DEF8: variants seen among roughly 807,000 people sequenced by gnomAD.
DEF8 encodes the protein DEF-8.
DEF8 carries 38 observed loss-of-function variants against 59.1 expected under a neutral mutation model. The observed-to-expected ratio is 0.64, with a 90% CI of 0.50 to 0.84. The LOEUF (loss-of-function observed/expected upper bound fraction) is 0.84, where lower values mean the gene tolerates loss of function less well. DEF8 is among the 40% of genes least tolerant of loss of function. The pLI is 0.00. For synonymous variants in DEF8, 265 were observed against 250.1 expected (o/e 1.06, Z -0.56); for missense variants, 557 against 615.2 (o/e 0.91, Z 1.00).
rs201988487 is a variant in DEF8 at position 89,955,303 on chromosome 16, G to A, written c.222+37G>A. 3 of 1,578,096 alleles carry A rather than the reference G, an allele frequency of 1.9e-6. No individual in the cohort carries two copies. In the East Asian group the frequency reaches 6.7e-5, roughly 35 times the overall value. ...GATCTCGGAGGGGAGAGGGACTGAG[G>A]GAACCCCCAAGGCAGGAAGGGCCAG... On this transcript the variant is annotated intron_variant, in intron 4 of 12. Transcript: ENST00000563594.
At chr16:89,950,369 C>G (rs1209251769) in intron 2 of DEF8, 4 of 980,530 alleles carry the variant, frequency 4.1e-6, no homozygotes, top group Non-Finnish European at 4.8e-6. Flanking sequence ...CAATGGAGAA[C>G]CAGAGTCTAA....
At chr16:89,950,078 G>C in intron 2 of DEF8, 1 of 993,518 alleles carries the variant, frequency 1.0e-6, no homozygotes, top group Non-Finnish European at 1.2e-6. Flanking sequence ...CCGGAGGAGA[G>C]CTGGTAGCCT....
chr16:89,957,154 C>G (rs1465191144), intron 4 of DEF8: 3 of 170,376 alleles, frequency 1.8e-5, no homozygotes, highest in Non-Finnish European at 3.8e-5. Flanking sequence ...AGCAAATGTC[C>G]TTTCCCTAGC....
In DEF8 at chr16:89,954,231, C is replaced by A. The variant is rs1216610585; in HGVS notation, c.-10-12C>A. 5.0e-6 allele frequency: 8 copies of A among 1,610,048 alleles called. No homozygotes were observed. In the African/African-American group the frequency reaches 6.7e-5, roughly 13 times the overall value. On this transcript the variant is annotated splice_polypyrimidine_tract_variant and intron_variant, in intron 2 of 12. Coordinates refer to ENST00000563594, the MANE Select transcript of DEF8 (RefSeq NM_001242818.2). This position sits in a 1 kb window ranked among gnomAD's most constrained non-coding sequence, Gnocchi z 4.3. ...TACCTGGGGACTCATCCTGGCCCTG[C>A]CTGGCCCTCAGGTGGGATGCTATGG...
chr16:89,952,709 G>T (rs1471095103), intron 2 of DEF8: 7 of 152,260 alleles, frequency 4.6e-5, no homozygotes, highest in Non-Finnish European at 2.9e-5. Flanking sequence ...GTGGGACTGG[G>T]GCCCACTCAC....
intron 5 of DEF8, 79 bp downstream of exon 5, chr16:89,957,739 T>G: frequency 1.4e-6 from 2 of 1,433,258 alleles, no homozygotes; most frequent in Non-Finnish European, 1.9e-6. Flanking sequence ...CCTGCCAGCC[T>G]CTGGCTCTCT....
At chr16:89,962,178 C>T (rs1014744033) in intron 9 of DEF8, 53 bp downstream of exon 9, 35 of 1,514,762 alleles carry the variant, frequency 2.3e-5, no homozygotes, top group Middle Eastern at 3.4e-4. Flanking sequence ...CAGGTGGGCC[C>T]TAGGGCCGGG....
rs1306597562 is a variant in DEF8, at chr16:89,966,143, G to A, written c.*180G>A. On this transcript the variant is annotated 3_prime_UTR_variant, in exon 13 of 13. Transcript: ENST00000563594. ...GTCTCCCAGGTGCTTGCTGGGACTC[G>A]GGGCGGCTGCACCTGGCTGTCACCT... is the stretch of plus-strand genomic sequence containing the variant. 1.6e-5 allele frequency: 9 copies of A among 550,358 alleles called. No individual in the cohort carries two copies. The highest frequency in any genetic ancestry group is 1.6e-4 in the Admixed American group (5 of 31,586). The allele number at this position is 550,358 out of a possible 1,614,324, so 34.1% of individuals were successfully genotyped here.
At position 89,960,918 on chromosome 16, in the gene DEF8, C is replaced by T; in HGVS notation, c.515-13C>T. On this transcript the variant is annotated splice_polypyrimidine_tract_variant and intron_variant, in intron 6 of 12. Coordinates refer to ENST00000563594, the MANE Select transcript of DEF8 (RefSeq NM_001242818.2). The stretch of plus-strand genomic sequence containing the variant: ...CTTCCCGCTTTTGAGAAGTGTGTGT[C>T]CCTCCACCCTAGGGTGTTATTACCG... 6.2e-7 allele frequency: 1 copy of T among 1,609,258 alleles called. No homozygotes were observed. Among genetic ancestry groups the T allele is most frequent in the East Asian group, 2.2e-5 (1 of 44,752 alleles).
At chr16:89,960,088 C>T (rs2033824155) in intron 6 of DEF8, among the ~76,000 whole-genome samples, 1 of 152,176 alleles carries the variant, frequency 6.6e-6, no homozygotes, top group Non-Finnish European at 1.5e-5. Context: ...GAGCAGAGAG[C>T]CAGGTGGGGC....
In DEF8 at chr16:89,965,951, T is replaced by A; in HGVS notation, c.1344T>A (p.Asp448Glu). The change falls in exon 13 of 13, where the codon GAT (aspartate) becomes GAA (glutamate). Residue 448 changes from aspartate to glutamate, a missense_variant. Transcript: ENST00000563594. ...KQSLFQEPGPDVEA is the reference protein window; with the variant it reads ...KQSLFQEPGPEVEA ...CGCTCTTCCAGGAGCCAGGTCCCGA[T>A]GTGGAGGCCTAGCGCCGAGGAACAG... 6.2e-7 allele frequency: 1 copy of A among 1,612,774 alleles called. No individual in the cohort carries two copies.
chr16:89,965,897 G>T lies in DEF8; in HGVS notation c.1290G>T (p.Lys430Asn). The T allele has an allele frequency of 6.2e-7, 1 of 1,613,752 alleles. No homozygotes were observed. Among genetic ancestry groups the T allele is most frequent in the South Asian group, 1.1e-5 (1 of 91,070 alleles). The change falls in exon 13 of 13, where the codon AAG (lysine) becomes AAT (asparagine). Residue 430 changes from lysine (K) to asparagine (N), a missense_variant. By Grantham distance (94) the Lys-to-Asn change is moderately conservative. Coordinates refer to ENST00000563594, the MANE Select transcript of DEF8 (RefSeq NM_001242818.2). ...CYYDNSTTCP[K>N]CARLSLRKQS... ...ACGACAACTCCACCACTTGTCCCAA[G>T]TGTGCCCGGCTCAGCCTGAGGAAGC...
intron 2 of DEF8, among the ~76,000 whole-genome samples, chr16:89,951,501 T>C (rs760649440): frequency 1.5e-4 from 23 of 152,276 alleles, no homozygotes; most frequent in African/African-American, 5.3e-4. Context: ...CACTTCTGCT[T>C]CCCAAAGTGC....
intron 12 of DEF8, among the ~76,000 whole-genome samples, 158 bp from the exon 13 acceptor site, chr16:89,965,703 G>A (rs937091360): frequency 6.6e-6 from 1 of 152,136 alleles, no homozygotes; most frequent in African/African-American, 2.4e-5. Flanking sequence ...TAAGCGCTCT[G>A]CACACGGCCA....
chr16:89,949,366 G>A, intron 1 of DEF8, 51 bp from the exon 2 acceptor site: 1 of 1,464,978 alleles, frequency 6.8e-7, no homozygotes, highest in Non-Finnish European at 9.2e-7. Flanking sequence ...GCGAGCTCCC[G>A]CGGGTGTGGT....
chr16:89,960,544 G>C (rs1046682141), intron 6 of DEF8, among the ~76,000 whole-genome samples: 13 of 150,902 alleles, frequency 8.6e-5, no homozygotes, highest in African/African-American at 3.2e-4. Context: ...CAAAAACAGA[G>C]AGAGAGAAAC....
At chr16:89,964,993 CAA>C (rs67825210) in intron 12 of DEF8, among the ~76,000 whole-genome samples, 1 of 152,148 alleles carries the variant, frequency 6.6e-6, no homozygotes, top group African/African-American at 2.4e-5. Context: ...GTAATTTTTT[CAA>C]AGTGTTTCTA....
At position 89,964,127 on chromosome 16, in the gene DEF8, G is replaced by T. The variant is rs756781893; in HGVS notation, c.1003-43G>T. 103 of 1,613,484 alleles carry T rather than the reference G, an allele frequency of 6.4e-5. 2 individuals are homozygous for T. In the South Asian group the frequency reaches 1.1e-3, roughly 17 times the overall value. On this transcript the variant is annotated intron_variant, in intron 10 of 12. Transcript: ENST00000563594. ...CGACCATGGGTGGGCGGTGGGAGGG[G>T]CCCTCCCCGGTGCAGGGCGTCACGG...
intron 5 of DEF8, among the ~76,000 whole-genome samples, chr16:89,958,728 G>A (rs539616501): frequency 1.3e-4 from 20 of 152,304 alleles, no homozygotes; most frequent in African/African-American, 4.6e-4. Context: ...GGTCGCTCCC[G>A]CTCACATGCC....
Sources: allele counts gnomAD v4.1 joint callset (sites outside exome capture counted in the v4.1 genomes callset), GRCh38; gene constraint gnomAD v4.1.1; non-coding constraint Gnocchi (gnomAD v3.1); transcripts MANE v1.5; gene names NCBI Gene and HGNC (gene_info 2026-07-23, HGNC 2026-07-21).